RPH3AL: variants seen among roughly 807,000 people sequenced by gnomAD.
RPH3AL encodes the protein rab effector Noc2.
In RPH3AL, 38 loss-of-function variants were observed where a neutral mutation model predicts 43.1. The observed-to-expected ratio is 0.88, with a 90% confidence interval of 0.68 to 1.15. The LOEUF is 1.15. Ranked by LOEUF, RPH3AL falls within the 50% of genes most tolerant of loss-of-function variation. The pLI is 0.00. For synonymous variants in RPH3AL, 189 were observed against 176.3 expected, an observed-to-expected ratio of 1.07 and a Z score of -0.57; for missense variants, 462 against 423.2, an observed-to-expected ratio of 1.09 and a Z score of -0.81.
intron 6 of RPH3AL, among the ~76,000 whole-genome samples, chr17:248,335 C>T (rs1555541034): frequency 6.6e-6 from 1 of 152,204 alleles, no homozygotes; most frequent in African/African-American, 2.4e-5. Context: ...ACTGGCTTTC[C>T]ACCCTCTTTC....
At chr17:327,639 A>G (rs187275049) in intron 2 of RPH3AL, 60 bp from the exon 3 acceptor site, 1 of 1,110,756 alleles carries the variant, frequency 9.0e-7, no homozygotes, top group East Asian at 2.5e-5. Context: ...CAGATGGCAG[A>G]CAGGTTCTCT....
chr17:339,356 A>G (rs1411124748), intron 1 of RPH3AL, among the ~76,000 whole-genome samples: 1 of 152,142 alleles, frequency 6.6e-6, no homozygotes, highest in Non-Finnish European at 1.5e-5. Context: ...AGGCAGGGGG[A>G]AGGGTCAGAC....
intron 6 of RPH3AL, among the ~76,000 whole-genome samples, chr17:250,905 T>A (rs1315758321): frequency 6.6e-6 from 1 of 152,166 alleles, no homozygotes; most frequent in African/African-American, 2.4e-5. Context: ...CTAAGCGCCA[T>A]CGCTGCAGGA....
intron 7 of RPH3AL, among the ~76,000 whole-genome samples, chr17:235,102 G>T (rs1003888353): frequency 1.8e-4 from 27 of 152,080 alleles, no homozygotes; most frequent in Non-Finnish European, 3.2e-4. Context: ...GACGGGTCCC[G>T]GGTTCAAAGC....
intron 5 of RPH3AL, among the ~76,000 whole-genome samples, chr17:315,639 C>T (rs201394543): frequency 6.7e-6 from 1 of 149,982 alleles, no homozygotes; most frequent in Non-Finnish European, 1.5e-5. Flanking sequence ...CCTCCACTGA[C>T]CTGTAGTCCC....
intron 1 of RPH3AL, among the ~76,000 whole-genome samples, chr17:348,529 G>A (rs549106978): frequency 0.017 from 1,381 of 82,798 alleles, 21 homozygotes; most frequent in African/African-American, 0.072. Flanking sequence ...ACCTAACACT[G>A]TTCAAGAAAA....
intron 3 of RPH3AL, among the ~76,000 whole-genome samples, chr17:324,430 G>A (rs982035407): frequency 2.6e-5 from 4 of 152,262 alleles, no homozygotes; most frequent in East Asian, 1.9e-4. Context: ...GACGGAGGCC[G>A]ACTTGAGGGC....
intron 1 of RPH3AL, among the ~76,000 whole-genome samples, chr17:343,256 G>C (rs1485514526): frequency 6.6e-6 from 1 of 152,208 alleles, no homozygotes; most frequent in African/African-American, 2.4e-5. Flanking sequence ...TCGTGGCACA[G>C]GACTGAGGGC....
At chr17:228,453 C>A (rs943784605) in intron 7 of RPH3AL, among the ~76,000 whole-genome samples, 1 of 152,130 alleles carries the variant, frequency 6.6e-6, no homozygotes, top group Non-Finnish European at 1.5e-5. Context: ...CGGCATCTGG[C>A]CTGTGGTAGG....
At chr17:267,129 G>A (rs189193520) in intron 6 of RPH3AL, among the ~76,000 whole-genome samples, 36 of 152,348 alleles carry the variant, frequency 2.4e-4, no homozygotes, top group African/African-American at 7.7e-4. Flanking sequence ...GGTCCTGCGC[G>A]CCATCCTCTC....
At chr17:270,823 T>C (rs1023353279) in intron 6 of RPH3AL, among the ~76,000 whole-genome samples, 1 of 152,386 alleles carries the variant, frequency 6.6e-6, no homozygotes, top group South Asian at 2.1e-4. Context: ...CCATTGCTTT[T>C]GGTGTTTTAG....
intron 7 of RPH3AL, among the ~76,000 whole-genome samples, chr17:226,700 T>A (rs1016323360): frequency 6.6e-6 from 1 of 152,332 alleles, no homozygotes; most frequent in Non-Finnish European, 1.5e-5. Context: ...CCTCCCTCCA[T>A]TGAAATGTCA....
In RPH3AL at chr17:277,321, G is replaced by T. The variant is rs368911723; in HGVS notation, c.438+4447C>A. Among the ~76,000 whole-genome samples the T allele has an allele frequency of 1.9e-3, 285 of 152,326 alleles. 2 individuals carry two copies. The highest frequency in any genetic ancestry group is 6.0e-3 in the African/African-American group (250 of 41,582). On this transcript the variant is annotated intron_variant, in intron 6 of 9. Coordinates refer to ENST00000331302, the MANE Select transcript of RPH3AL (RefSeq NM_006987.4). ...AATATACTAAATATTAACAGTGGTT[G>T]TCTCTGATTCTGGATTTTTGGAAGG...
At chr17:350,244 T>A (rs1393587699) in intron 1 of RPH3AL, among the ~76,000 whole-genome samples, 1 of 152,152 alleles carries the variant, frequency 6.6e-6, no homozygotes, top group Non-Finnish European at 1.5e-5. Flanking sequence ...CCTAGCACTT[T>A]GGGAGGCTGA....
At position 283,998 on chromosome 17, in the gene RPH3AL, C is replaced by A. The variant is rs911109977; in HGVS notation, c.352-2144G>T. On this transcript the variant is annotated intron_variant, in intron 5 of 9. Transcript: ENST00000331302. This position sits in a 1 kb window ranked among gnomAD's most constrained non-coding sequence, Gnocchi z 4.2. ...GCTCTGTTTTCCTTGCGAATTCCCA[C>A]CATCCCTGTGTACACTGTAACAGGT... Among the ~76,000 whole-genome samples, 1 of 152,212 alleles carries A rather than the reference C, an allele frequency of 6.6e-6. No individual in the cohort carries two copies. Among genetic ancestry groups the A allele is most frequent in the Non-Finnish European group, 1.5e-5 (1 of 68,040 alleles).
At chr17:315,915 G>A (rs797020711) in intron 5 of RPH3AL, among the ~76,000 whole-genome samples, 7 of 10,512 alleles carry the variant, frequency 6.7e-4, no homozygotes, top group Non-Finnish European at 2.1e-3. Context: ...CTCCACTGAT[G>A]TGTAGTCCCT....
intron 5 of RPH3AL, among the ~76,000 whole-genome samples, chr17:298,208 G>A (rs759027028): frequency 4.3e-4 from 66 of 152,274 alleles, no homozygotes; most frequent in Admixed American, 2.6e-4. Flanking sequence ...GACCGTCCAC[G>A]TCCTCCAGCT....
At chr17:309,496 G>A (rs1449306899) in intron 5 of RPH3AL, among the ~76,000 whole-genome samples, 3 of 149,988 alleles carry the variant, frequency 2.0e-5, no homozygotes, top group Non-Finnish European at 3.0e-5. Context: ...GGGGGTCCGG[G>A]ATATGGCATG....
chr17:311,419 C>T (rs2043643522), intron 5 of RPH3AL, among the ~76,000 whole-genome samples: 1 of 152,280 alleles, frequency 6.6e-6, no homozygotes, highest in African/African-American at 2.4e-5. Flanking sequence ...TCCCTCTGCC[C>T]TCAGCCTTTC....
Sources: allele counts gnomAD v4.1 joint callset (sites outside exome capture counted in the v4.1 genomes callset), GRCh38; gene constraint gnomAD v4.1.1; non-coding constraint Gnocchi (gnomAD v3.1); transcripts MANE v1.5; gene names NCBI Gene and HGNC (gene_info 2026-07-23, HGNC 2026-07-21).